MLH3: variants seen among roughly 807,000 people sequenced by gnomAD.
MLH3 encodes mutL homolog 3.
Under a neutral mutation model 122.2 loss-of-function variants are expected in MLH3, and 82 were observed. The ratio of observed to expected loss-of-function variants is 0.67; its 90% CI spans 0.56 to 0.81. The LOEUF (loss-of-function observed/expected upper bound fraction) is 0.81. Ranked by LOEUF, MLH3 falls within the 30% of genes least tolerant of loss-of-function variation. MLH3 has a pLI of 0.00. For missense variants in MLH3, 1,539 were observed against 1,714.5 expected (o/e 0.90, Z 1.81); for synonymous variants, 524 against 599.5 (o/e 0.87, Z 1.84).
At chr14:75,031,079 G>A (rs1891017827) in intron 8 of MLH3, among the ~76,000 whole-genome samples, 1 of 152,118 alleles carries the variant, frequency 6.6e-6, no homozygotes, top group South Asian at 2.1e-4. Flanking sequence ...AACAGCCCAA[G>A]GAATTGAGAA....
At chr14:75,043,117 C>G (rs1481312932) in intron 2 of MLH3, among the ~76,000 whole-genome samples, 1 of 152,106 alleles carries the variant, frequency 6.6e-6, no homozygotes, top group Non-Finnish European at 1.5e-5. Flanking sequence ...AAGGGTTCTA[C>G]GTTCTACTAG....
chr14:75,021,347 A>G (rs1421404924), intron 11 of MLH3, among the ~76,000 whole-genome samples: 4 of 152,270 alleles, frequency 2.6e-5, no homozygotes, highest in Non-Finnish European at 5.9e-5. Flanking sequence ...AAAAGAAACT[A>G]TCAACAGAAT....
intron 2 of MLH3, among the ~76,000 whole-genome samples, chr14:75,043,855 C>T (rs1031576672): frequency 3.9e-5 from 6 of 152,030 alleles, no homozygotes; most frequent in African/African-American, 1.2e-4. Flanking sequence ...TTTGGGAGGC[C>T]GAGGCGGGCA....
intron 4 of MLH3, 23 bp downstream of exon 4, chr14:75,041,592 A>T: frequency 6.3e-7 from 1 of 1,588,800 alleles, no homozygotes; most frequent in Non-Finnish European, 8.6e-7. Context: ...AAAAAAGGCA[A>T]AGAAAAACTG....
rs372835460 is a variant in MLH3 at position 75,046,511 on chromosome 14, C to T, written c.3145G>A (p.Asp1049Asn). ...TAAACCATTCTTCCCAGGGCTACATCGAAATGCCGCTGCCAATCTGAACAA... is the reference window on the plus strand; with the variant it reads ...TAAACCATTCTTCCCAGGGCTACATTGAAATGCCGCTGCCAATCTGAACAA... ...TCCSDWQRHF[D>N]VALGRMVYVN... Residue 1049 changes from aspartate to asparagine, a missense_variant, in exon 2 of 13, where the codon GAT becomes AAT. Transcript: ENST00000355774. 5.2e-5 allele frequency: 84 copies of T among 1,614,056 alleles called. No homozygotes were observed. The highest frequency in any genetic ancestry group is 4.5e-5 in the East Asian group (2 of 44,890).
chr14:75,041,407 G>C (rs1476919769), intron 4 of MLH3, among the ~76,000 whole-genome samples: 3 of 152,054 alleles, frequency 2.0e-5, no homozygotes, highest in Non-Finnish European at 4.4e-5. Flanking sequence ...AAATTCGCTG[G>C]GCGTGGTGGC....
In MLH3 at chr14:75,048,626, C is replaced by G. The variant is rs758958422; in HGVS notation, c.1030G>C (p.Val344Leu). The change falls in exon 2 of 13, where the codon GTG becomes CTG. Residue 344 changes from valine (V) to leucine (L), a missense_variant. Transcript: ENST00000355774. The stretch of plus-strand genomic sequence containing the variant: ...TTTTCTTGCTTTAAAAACATTTTCA[C>G]TCCTTCCTGAATGCAAAACAAGAGA... ...DTLLFCIQEG[V>L]KMFLKQEKLF... The G allele has an allele frequency of 9.3e-6, 15 of 1,614,136 alleles. No homozygotes were observed. Among genetic ancestry groups the G allele is most frequent in the Non-Finnish European group, 1.3e-5 (15 of 1,180,022 alleles).
At chr14:75,038,148 C>A (rs950029191) in intron 6 of MLH3, among the ~76,000 whole-genome samples, 192 bp downstream of exon 6, 2 of 152,214 alleles carry the variant, frequency 1.3e-5, no homozygotes, top group African/African-American at 4.8e-5. Flanking sequence ...CATCCACCTG[C>A]CTCACCTCCC....
At position 75,047,206 on chromosome 14, in the gene MLH3, C is replaced by G. The variant is rs1421146694; in HGVS notation, c.2450G>C (p.Ser817Thr). The G allele has an allele frequency of 1.2e-6, 2 of 1,614,140 alleles. No homozygotes were observed. Among genetic ancestry groups the G allele is most frequent in the South Asian group, 1.1e-5 (1 of 91,074 alleles). ...TTMEHSDSDS[S>T]CQPASHILNS... ...AAGGATGTGGCTTGCTGGTTGACAA[C>G]TACTATCTGAATCACTATGCTCCAT... Residue 817 changes from serine to threonine, a missense_variant, in exon 2 of 13, where the codon AGT (serine) becomes ACT (threonine). Transcript: ENST00000355774.
chr14:75,033,367 A>C, intron 7 of MLH3, 52 bp downstream of exon 7: 1 of 1,412,016 alleles, frequency 7.1e-7, no homozygotes. Flanking sequence ...TTTGAGGTGT[A>C]CTGATTCTGC....
chr14:75,031,388 T>C (rs1288312957), intron 8 of MLH3, among the ~76,000 whole-genome samples: 1 of 152,238 alleles, frequency 6.6e-6, no homozygotes, highest in Non-Finnish European at 1.5e-5. Flanking sequence ...GACCAATTAC[T>C]GCAGAAACTT....
intron 11 of MLH3, among the ~76,000 whole-genome samples, chr14:75,019,266 C>T (rs28757050): frequency 5.0e-4 from 76 of 151,872 alleles, no homozygotes; most frequent in Non-Finnish European, 9.3e-4. Context: ...AAAAATTAGC[C>T]GGGTGTGGTG....
intron 2 of MLH3, 70 bp downstream of exon 2, chr14:75,046,306 A>G: frequency 6.8e-7 from 1 of 1,463,964 alleles, no homozygotes; most frequent in Non-Finnish European, 9.6e-7. Flanking sequence ...TTGGATAATG[A>G]GGATCTTACT....
chr14:75,032,588 G>A (rs2139405166), intron 7 of MLH3, among the ~76,000 whole-genome samples: 1 of 152,166 alleles, frequency 6.6e-6, no homozygotes, highest in African/African-American at 2.4e-5. Context: ...TTCTCAAATG[G>A]TGCAGGGCCT....
At chr14:75,029,112 T>C (rs1278626888) in intron 9 of MLH3, among the ~76,000 whole-genome samples, 1 of 123,808 alleles carries the variant, frequency 8.1e-6, no homozygotes, top group Non-Finnish European at 1.6e-5. Flanking sequence ...ATTGTGCCAT[T>C]GCACTCCAGC....
chr14:75,023,153 G>T, intron 9 of MLH3, 135 bp from the exon 10 acceptor site: 1 of 974,942 alleles, frequency 1.0e-6, no homozygotes, highest in Non-Finnish European at 1.6e-6. Flanking sequence ...ACAGCACTTG[G>T]GTACAAATTT....
intron 5 of MLH3, among the ~76,000 whole-genome samples, chr14:75,038,630 C>A (rs557156134): frequency 1.3e-5 from 2 of 151,844 alleles, no homozygotes; most frequent in East Asian, 1.9e-4. Context: ...GGGAGGGAGG[C>A]GACAGGGGAA....
chr14:75,045,925 T>A (rs1892175824), intron 2 of MLH3, among the ~76,000 whole-genome samples: 1 of 152,046 alleles, frequency 6.6e-6, no homozygotes, highest in Non-Finnish European at 1.5e-5. Context: ...ACACCTATAA[T>A]CCCAACACTC....
chr14:75,030,852 T>C, intron 8 of MLH3, 150 bp from the exon 9 acceptor site: 1 of 670,344 alleles, frequency 1.5e-6, no homozygotes. Flanking sequence ...GTGTGGGTGT[T>C]TGGGATTTTT....
Sources: allele counts gnomAD v4.1 joint callset (sites outside exome capture counted in the v4.1 genomes callset), GRCh38; gene constraint gnomAD v4.1.1; transcripts MANE v1.5; gene names NCBI Gene and HGNC (gene_info 2026-07-23, HGNC 2026-07-21).